NKAIN2: variants seen among roughly 807,000 people sequenced by gnomAD.
NKAIN2 encodes sodium/potassium transporting ATPase interacting 2.
Under a neutral mutation model 32.6 loss-of-function variants are expected in NKAIN2, and 14 were observed. That is an observed-to-expected ratio of 0.43 (90% CI 0.28 to 0.67). The LOEUF is 0.67. Ranked by LOEUF, NKAIN2 falls within the 30% of genes least tolerant of loss-of-function variation. The pLI is 0.17. For synonymous variants in NKAIN2, 80 were observed against 87.2 expected (o/e 0.92, Z 0.46); for missense variants, 198 against 258.3 (o/e 0.77, Z 1.60).
chr6:124,106,445 TATC>T (rs1022100846), intron 1 of NKAIN2, among the ~76,000 whole-genome samples: 5 of 152,222 alleles, frequency 3.3e-5, no homozygotes, highest in Admixed American at 2.6e-4. Context: ...GTATCTATGA[TATC>T]ATATTGAGAT....
intron 1 of NKAIN2, among the ~76,000 whole-genome samples, chr6:123,806,712 A>T (rs1773230759): frequency 6.6e-6 from 1 of 151,952 alleles, no homozygotes; most frequent in African/African-American, 2.4e-5. Context: ...TTTACTTCTC[A>T]AGTGTTTAGT....
At chr6:124,392,181 A>G (rs575986427) in intron 3 of NKAIN2, among the ~76,000 whole-genome samples, 66 of 152,014 alleles carry the variant, frequency 4.3e-4, no homozygotes, top group Middle Eastern at 6.8e-3. Flanking sequence ...TTTATTTCTC[A>G]TTGTTTTTAA....
intron 1 of NKAIN2, among the ~76,000 whole-genome samples, chr6:123,878,938 C>G (rs1048249821): frequency 3.3e-5 from 5 of 152,180 alleles, no homozygotes. Context: ...TGCCCTTACT[C>G]TCAGAGATAG....
intron 3 of NKAIN2, among the ~76,000 whole-genome samples, chr6:124,405,160 A>G (rs1256931215): frequency 1.3e-5 from 2 of 152,234 alleles, no homozygotes; most frequent in Non-Finnish European, 2.9e-5. Context: ...TATTAAACAT[A>G]GTCGAGTGTT....
intron 4 of NKAIN2, among the ~76,000 whole-genome samples, chr6:124,764,126 T>C (rs1329881981): frequency 6.6e-6 from 1 of 152,194 alleles, no homozygotes; most frequent in Middle Eastern, 3.2e-3. Flanking sequence ...CTTTTTTAAT[T>C]TGTAGGTTCT....
chr6:124,339,342 TCAAA>T (rs1798018973), intron 2 of NKAIN2, among the ~76,000 whole-genome samples: 1 of 152,064 alleles, frequency 6.6e-6, no homozygotes, highest in Non-Finnish European at 1.5e-5. Context: ...AGACTCCATC[TCAAA>T]CAAACAAACA....
intron 1 of NKAIN2, among the ~76,000 whole-genome samples, chr6:124,032,260 G>A (rs563133477): frequency 9.4e-5 from 11 of 117,240 alleles, no homozygotes; most frequent in Admixed American, 3.2e-4. Flanking sequence ...GGGGTCTGTC[G>A]TGGGGTGGGG....
In NKAIN2 at chr6:124,355,321, T is replaced by C; in HGVS notation, c.247T>C (p.Tyr83His). 6.2e-7 allele frequency: 1 copy of C among 1,609,890 alleles called. No individual in the cohort carries two copies. The highest frequency in any genetic ancestry group is 8.5e-7 in the Non-Finnish European group (1 of 1,176,194). ...VTWNVFVICF[Y>H]LEAGDLSKET... The stretch of plus-strand genomic sequence containing the variant: ...GTGGAATGTGTTTGTTATCTGCTTC[T>C]ATTTGGAGGCTGGGGACCTCTCAAA... The change falls in exon 3 of 7, where the codon TAT becomes CAT. Residue 83 changes from tyrosine (Y) to histidine (H), a missense_variant. Coordinates refer to ENST00000368417, the MANE Select transcript of NKAIN2 (RefSeq NM_001040214.3).
intron 3 of NKAIN2, among the ~76,000 whole-genome samples, chr6:124,423,387 G>A (rs1016787299): frequency 6.6e-6 from 1 of 152,138 alleles, no homozygotes; most frequent in African/African-American, 2.4e-5. Flanking sequence ...ACCTTTGTGA[G>A]ATTTATGTTC....
At chr6:124,474,844 A>G (rs548227865) in intron 3 of NKAIN2, among the ~76,000 whole-genome samples, 2 of 126,500 alleles carry the variant, frequency 1.6e-5, no homozygotes, top group South Asian at 2.5e-4. Context: ...ATACATATAT[A>G]ATATATACAT....
intron 4 of NKAIN2, among the ~76,000 whole-genome samples, chr6:124,761,644 C>A (rs1041302969): frequency 6.6e-6 from 1 of 152,182 alleles, no homozygotes; most frequent in Non-Finnish European, 1.5e-5. Flanking sequence ...AAACATTTTA[C>A]CCCTTCCTTA....
chr6:124,153,023 A>C (rs1384690283), intron 1 of NKAIN2, among the ~76,000 whole-genome samples: 1 of 151,918 alleles, frequency 6.6e-6, no homozygotes, highest in Non-Finnish European at 1.5e-5. Flanking sequence ...GAAGATGGGG[A>C]GAAGTTTGTT....
At chr6:124,459,118 T>A (rs948427281) in intron 3 of NKAIN2, among the ~76,000 whole-genome samples, 5 of 151,780 alleles carry the variant, frequency 3.3e-5, no homozygotes, top group African/African-American at 9.7e-5. Flanking sequence ...TTTTAGAAAA[T>A]TTGTTCTAAA....
At chr6:124,529,933 G>A (rs1439095617) in intron 3 of NKAIN2, among the ~76,000 whole-genome samples, 1 of 152,188 alleles carries the variant, frequency 6.6e-6, no homozygotes, top group Admixed American at 6.5e-5. Flanking sequence ...ACATTTGGGA[G>A]TAATTGGTCA....
intron 4 of NKAIN2, among the ~76,000 whole-genome samples, chr6:124,686,914 C>T (rs551893192): frequency 3.3e-4 from 50 of 152,084 alleles, no homozygotes; most frequent in African/African-American, 1.1e-3. Context: ...TAATAAGCTG[C>T]CAGCAAATAG....
intron 3 of NKAIN2, among the ~76,000 whole-genome samples, chr6:124,566,413 C>T (rs537157690): frequency 8.5e-5 from 13 of 152,194 alleles, no homozygotes; most frequent in South Asian, 4.2e-4. Flanking sequence ...TCACATTCAA[C>T]GGTGAGTGGC....
intron 1 of NKAIN2, among the ~76,000 whole-genome samples, chr6:123,993,763 T>C (rs1454464280): frequency 6.6e-6 from 1 of 152,226 alleles, no homozygotes; most frequent in Non-Finnish European, 1.5e-5. Flanking sequence ...TATGTCCATG[T>C]GCCTTCCCTC....
chr6:124,604,395 A>T (rs1414389481), intron 3 of NKAIN2, among the ~76,000 whole-genome samples: 1 of 151,954 alleles, frequency 6.6e-6, no homozygotes, highest in East Asian at 1.9e-4. Context: ...TTTATGTTTT[A>T]TCTACATATT....
chr6:124,316,701 TGG>T (rs1257471973), intron 2 of NKAIN2, among the ~76,000 whole-genome samples: 1 of 152,166 alleles, frequency 6.6e-6, no homozygotes, highest in Non-Finnish European at 1.5e-5. Context: ...TGTGATATCC[TGG>T]AAGAGTTTCT....
Sources: gnomAD v4.1 joint callset for allele counts (sites outside exome capture counted in the v4.1 genomes callset) on GRCh38, gnomAD v4.1.1 for gene constraint, MANE v1.5 for transcripts, NCBI Gene and HGNC (gene_info 2026-07-23, HGNC 2026-07-21) for gene names.